Variants in NXPE4 observed in about 807,000 individuals in gnomAD.
NXPE4 encodes the protein neurexophilin and PC-esterase domain family member 4, also known as NXPE family member 4.
A neutral mutation model predicts 33.3 loss-of-function variants in NXPE4; 42 were observed. The observed-to-expected ratio is 1.26, with a 90% CI of 0.98 to 1.63. The LOEUF (loss-of-function observed/expected upper bound fraction) is 1.63, where lower values mean the gene tolerates loss of function less well. Ranked by LOEUF, NXPE4 falls within the 40% of genes most tolerant of loss-of-function variation. NXPE4 has a pLI of 0.00. For synonymous variants in NXPE4, 253 were observed against 234.9 expected, an observed-to-expected ratio of 1.08 and a Z score of -0.71; for missense variants, 709 against 647.6, an observed-to-expected ratio of 1.09 and a Z score of -1.03.
the NXPE4 span, among the ~76,000 whole-genome samples, chr11:114,677,512 T>G: frequency 6.6e-6 from 1 of 151,980 alleles, no homozygotes; most frequent in Admixed American, 6.6e-5. Context: ...TTATAAGGAG[T>G]GGGGAAGAAT....
the NXPE4 span, among the ~76,000 whole-genome samples, chr11:114,605,800 AGGGTT>A: frequency 6.6e-6 from 1 of 150,688 alleles, no homozygotes; most frequent in African/African-American, 2.4e-5. Context: ...TATTGCCTCT[AGGGTT>A]ACCACTGTTA....
At chr11:114,596,886 G>C (rs1229645380), upstream of NXPE4, among the ~76,000 whole-genome samples, 1 of 152,164 alleles carries the variant, frequency 6.6e-6, no homozygotes, top group African/African-American at 2.4e-5. Flanking sequence ...AGATATGCTT[G>C]ACTTAAAGAA....
the NXPE4 span, among the ~76,000 whole-genome samples, chr11:114,666,957 C>G: frequency 2.0e-5 from 3 of 152,150 alleles, no homozygotes; most frequent in Non-Finnish European, 4.4e-5. Flanking sequence ...ACACATATGT[C>G]CACACCCATA....
At chr11:114,613,289 G>T in the NXPE4 span, among the ~76,000 whole-genome samples, 1 of 151,814 alleles carries the variant, frequency 6.6e-6, no homozygotes, top group African/African-American at 2.4e-5. Context: ...CTGTTACTAG[G>T]TGGATAATAA....
the NXPE4 span, among the ~76,000 whole-genome samples, chr11:114,602,561 T>C: frequency 0.16 from 22,659 of 139,002 alleles, 1,931 homozygotes; most frequent in South Asian, 0.22. Context: ...ATAGATTATA[T>C]CATTTATAAT....
chr11:114,626,244 C>T, the NXPE4 span, among the ~76,000 whole-genome samples: 2 of 152,218 alleles, frequency 1.3e-5, no homozygotes, highest in East Asian at 3.9e-4. Context: ...AACAAAAAGA[C>T]AGCAGTAACC....
chr11:114,600,261 A>T (rs895326424), upstream of NXPE4, among the ~76,000 whole-genome samples: 2 of 152,190 alleles, frequency 1.3e-5, no homozygotes, highest in African/African-American at 4.8e-5. Context: ...CAGTAAGAAG[A>T]CATATCTTGG....
the NXPE4 span, among the ~76,000 whole-genome samples, chr11:114,609,518 C>T: frequency 1.4e-3 from 213 of 151,934 alleles, 2 homozygotes; most frequent in Non-Finnish European, 2.2e-3. Flanking sequence ...ATAAGTACTG[C>T]TTCGTGGGTA....
At chr11:114,643,159 C>G in the NXPE4 span, among the ~76,000 whole-genome samples, 1 of 151,994 alleles carries the variant, frequency 6.6e-6, no homozygotes, top group African/African-American at 2.4e-5. Context: ...GATATTAGCC[C>G]TTTGTCAGAT....
the NXPE4 span, among the ~76,000 whole-genome samples, chr11:114,620,233 C>T: frequency 2.6e-4 from 39 of 151,198 alleles, no homozygotes; most frequent in Admixed American, 5.3e-4. Flanking sequence ...CACTGTTATC[C>T]GTTGGATAAT....
chr11:114,582,746 C>T lies in NXPE4; in HGVS notation c.372G>A (p.Arg124=). 1 of 1,614,184 alleles carries T rather than the reference C, an allele frequency of 6.2e-7. No homozygotes were observed. Among genetic ancestry groups the T allele is most frequent in the East Asian group, 2.2e-5 (1 of 44,888 alleles). ...ATTGCTTCCTGCGTCCCAAGTGGTC[C>T]CTCACCTCCAGCAGGATGTGCAGCT... ...GDQLHILLEV[R]DHLGRRKQYG... Residue 124 remains arginine, a synonymous_variant, in exon 3 of 6, where the codon AGG becomes AGA. Coordinates refer to ENST00000375478, the MANE Select transcript of NXPE4 (RefSeq NM_001077639.2).
At chr11:114,614,874 G>A in the NXPE4 span, among the ~76,000 whole-genome samples, 1 of 151,856 alleles carries the variant, frequency 6.6e-6, no homozygotes, top group Non-Finnish European at 1.5e-5. Context: ...CTGTTTCCCA[G>A]TGTATAATAG....
chr11:114,581,947 G>C (rs1426296238), intron 3 of NXPE4, among the ~76,000 whole-genome samples, 161 bp from the exon 4 acceptor site: 1 of 152,158 alleles, frequency 6.6e-6, no homozygotes, highest in African/African-American at 2.4e-5. Flanking sequence ...TTGCCTATTA[G>C]GCTATGGGAT....
At chr11:114,650,507 G>C in the NXPE4 span, among the ~76,000 whole-genome samples, 33 of 152,298 alleles carry the variant, frequency 2.2e-4, no homozygotes, top group African/African-American at 6.7e-4. Context: ...TAAAGCCCTG[G>C]CCTTAAGCAA....
upstream of NXPE4, among the ~76,000 whole-genome samples, chr11:114,600,122 G>A (rs112232184): frequency 2.6e-5 from 4 of 152,150 alleles, no homozygotes; most frequent in African/African-American, 9.6e-5. Flanking sequence ...AATCAGTGAG[G>A]AAAAGTTTGA....
chr11:114,609,816 G>C, the NXPE4 span, among the ~76,000 whole-genome samples: 1 of 151,118 alleles, frequency 6.6e-6, no homozygotes, highest in Admixed American at 6.6e-5. Context: ...GCATTGCCTG[G>C]TGGATTACCA....
the NXPE4 span, among the ~76,000 whole-genome samples, chr11:114,637,374 G>T: frequency 6.6e-6 from 1 of 151,940 alleles, no homozygotes; most frequent in African/African-American, 2.4e-5. Context: ...TGTGAGATGG[G>T]TTTCCTGAAT....
the NXPE4 span, among the ~76,000 whole-genome samples, chr11:114,651,661 T>A: frequency 1.3e-5 from 2 of 152,142 alleles, no homozygotes; most frequent in African/African-American, 4.8e-5. Flanking sequence ...GATTGGTCCG[T>A]TTTACAGAGA....
chr11:114,614,776 AC>A, the NXPE4 span, among the ~76,000 whole-genome samples: 4 of 151,702 alleles, frequency 2.6e-5, no homozygotes, highest in East Asian at 7.8e-4. Flanking sequence ...CTCATGGGTA[AC>A]CATTGTTACC....
Sources: gnomAD v4.1 joint callset for allele counts (sites outside exome capture counted in the v4.1 genomes callset) on GRCh38, gnomAD v4.1.1 for gene constraint, MANE v1.5 for transcripts, NCBI Gene and HGNC (gene_info 2026-07-23, HGNC 2026-07-21) for gene names.